Variants in PKP2 observed in about 807,000 individuals in gnomAD.
PKP2 encodes the protein plakophilin 2, also known as plakophilin-2.
In PKP2, 73 loss-of-function variants were observed where a neutral mutation model predicts 83.4. The ratio of observed to expected loss-of-function variants is 0.88; its 90% CI spans 0.72 to 1.06. The LOEUF is 1.06. PKP2 is among the 50% of genes least tolerant of loss of function. The pLI, the probability that PKP2 is intolerant of heterozygous loss-of-function variation, is 0.00. For missense variants in PKP2, 966 were observed against 1,065.4 expected, an observed-to-expected ratio of 0.91 and a Z score of 1.30; for synonymous variants, 409 against 430.4, an observed-to-expected ratio of 0.95 and a Z score of 0.62.
intron 1 of PKP2, among the ~76,000 whole-genome samples, chr12:32,888,386 G>A (rs1301363159): frequency 6.6e-6 from 1 of 152,022 alleles, no homozygotes; most frequent in South Asian, 2.1e-4. Context: ...ACTTACTACA[G>A]GTTTTCTTTG....
At chr12:32,827,472 C>G (rs766613491) in intron 6 of PKP2, among the ~76,000 whole-genome samples, 1 of 152,026 alleles carries the variant, frequency 6.6e-6, no homozygotes, top group Non-Finnish European at 1.5e-5. Flanking sequence ...TGCACCATTC[C>G]GAAAATAACC....
intron 1 of PKP2, among the ~76,000 whole-genome samples, chr12:32,882,277 T>C (rs753420014): frequency 1.3e-5 from 2 of 152,220 alleles, no homozygotes; most frequent in African/African-American, 2.4e-5. Flanking sequence ...TGGTCATTTA[T>C]GGACCGTAGC....
chr12:32,858,886 A>G (rs550511087), intron 4 of PKP2, among the ~76,000 whole-genome samples: 1 of 151,664 alleles, frequency 6.6e-6, no homozygotes, highest in Admixed American at 6.6e-5. Context: ...AATTCAAGTG[A>G]AAAAAAAATC....
intron 5 of PKP2, among the ~76,000 whole-genome samples, chr12:32,844,235 G>A (rs1221614306): frequency 6.6e-6 from 1 of 152,176 alleles, no homozygotes; most frequent in Non-Finnish European, 1.5e-5. Flanking sequence ...TGAAAGCTGT[G>A]AAAGAACTAA....
chr12:32,866,970 A>C (rs1956855315), intron 4 of PKP2, among the ~76,000 whole-genome samples: 2 of 152,226 alleles, frequency 1.3e-5, no homozygotes, highest in Admixed American at 6.5e-5. Context: ...CAAACCAAAA[A>C]AATCTTATAT....
In PKP2 at chr12:32,818,399, T is replaced by C. The variant is rs924408613; in HGVS notation, c.2013+2957A>G. ...TTACTTGAACCCAGGAGACAGAGGT[T>C]GCAGTGAGCCGAGACTGTGCCACTG... is the stretch of plus-strand genomic sequence containing the variant. On this transcript the variant is annotated intron_variant, in intron 9 of 12. Coordinates refer to ENST00000340811, the MANE Select transcript of PKP2 (RefSeq NM_001005242.3). Among the ~76,000 whole-genome samples, 5 of 152,250 alleles carry C rather than the reference T, an allele frequency of 3.3e-5. No individual in the cohort carries two copies. In the East Asian group the frequency reaches 9.7e-4, roughly 29 times the overall value.
At chr12:32,796,341 T>G in intron 10 of PKP2, 43 bp from the exon 11 acceptor site, 1 of 1,484,422 alleles carries the variant, frequency 6.7e-7, no homozygotes, top group Non-Finnish European at 9.3e-7. Flanking sequence ...TTAAAAAGAT[T>G]GTTTCTTAAT....
chr12:32,802,154 T>A (rs1204829654), intron 10 of PKP2, among the ~76,000 whole-genome samples: 1 of 148,972 alleles, frequency 6.7e-6, no homozygotes, highest in Non-Finnish European at 1.5e-5. Context: ...ATTATTAGTA[T>A]GCTCTAAAAT....
intron 1 of PKP2, among the ~76,000 whole-genome samples, chr12:32,896,052 T>A (rs1957120299): frequency 6.6e-6 from 1 of 152,204 alleles, no homozygotes; most frequent in African/African-American, 2.4e-5. Flanking sequence ...TGTCGGTTTT[T>A]TTCCCCAAGA....
At chr12:32,842,952 C>G (rs190662123) in intron 5 of PKP2, among the ~76,000 whole-genome samples, 1 of 151,664 alleles carries the variant, frequency 6.6e-6, no homozygotes, top group South Asian at 2.1e-4. Flanking sequence ...AGATTACAGG[C>G]GTGAGCCACT....
At chr12:32,874,884 G>A (rs1379977696) in intron 3 of PKP2, among the ~76,000 whole-genome samples, 2 of 152,030 alleles carry the variant, frequency 1.3e-5, no homozygotes, top group African/African-American at 2.4e-5. Flanking sequence ...GGGACCACAG[G>A]TGGGCACTAT....
chr12:32,849,626 C>T (rs753027635), intron 5 of PKP2, among the ~76,000 whole-genome samples: 19 of 152,200 alleles, frequency 1.2e-4, no homozygotes, highest in Non-Finnish European at 2.4e-4. Flanking sequence ...TCTCTTTTAT[C>T]ATACGACTGT....
At chr12:32,831,093 C>A (rs1431619761) in intron 6 of PKP2, among the ~76,000 whole-genome samples, 1 of 152,036 alleles carries the variant, frequency 6.6e-6, no homozygotes, top group Non-Finnish European at 1.5e-5. Context: ...AAACAGCAAA[C>A]TATAATTTTA....
Position 32,877,867 on chromosome 12 carries a change from G to T in PKP2, c.1013C>A (p.Thr338Asn), listed in dbSNP as rs756946586. 6.2e-7 allele frequency: 1 copy of T among 1,613,796 alleles called. No homozygotes were observed. Among genetic ancestry groups the T allele is most frequent in the South Asian group, 1.1e-5 (1 of 91,078 alleles). The change falls in exon 3 of 13, where the codon ACT becomes AAT. Residue 338 changes from threonine (T) to asparagine (N), a missense_variant. By Grantham distance (65) the Thr-to-Asn change is moderately conservative. Transcript: ENST00000340811. ...TTACCCCAGCTGGGAGTCAGTGAAAGTGCTTCTCTCAGTGAGCAGATTCCC... is the reference window on the plus strand; with the variant it reads ...TTACCCCAGCTGGGAGTCAGTGAAATTGCTTCTCTCAGTGAGCAGATTCCC... ...GSGNLLTERS[T>N]FTDSQLGNAD...
At chr12:32,867,230 G>C (rs147551552) in intron 4 of PKP2, among the ~76,000 whole-genome samples, 5 of 152,144 alleles carry the variant, frequency 3.3e-5, no homozygotes, top group Non-Finnish European at 7.3e-5. Context: ...CAGGAGGCTG[G>C]GGTGGGAGGA....
chr12:32,843,649 T>C (rs1433035049), intron 5 of PKP2, among the ~76,000 whole-genome samples: 2 of 152,228 alleles, frequency 1.3e-5, no homozygotes, highest in African/African-American at 4.8e-5. Flanking sequence ...GGACTAGATT[T>C]CTGGCTTATG....
chr12:32,870,585 T>C lies in PKP2; in HGVS notation c.1035-1523A>G, dbSNP rs1956887310. On this transcript the variant is annotated intron_variant, in intron 3 of 12. Coordinates refer to ENST00000340811, the MANE Select transcript of PKP2 (RefSeq NM_001005242.3). ...GTCACTTTTATCTAATATTTTTATCTAATATTAGAGGATATTACACCTTTT... is the reference window on the plus strand; with the variant it reads ...GTCACTTTTATCTAATATTTTTATCCAATATTAGAGGATATTACACCTTTT... Among the ~76,000 whole-genome samples, 8 of 152,294 alleles carry C rather than the reference T, an allele frequency of 5.3e-5. 1 individual carries two copies. In the South Asian group the frequency reaches 1.5e-3, roughly 28 times the overall value.
At position 32,792,633 on chromosome 12, in the gene PKP2, C is replaced by A. The variant is rs1356336963; in HGVS notation, c.2445+11G>T. 1 of 1,609,812 alleles carries A rather than the reference C, an allele frequency of 6.2e-7. No individual in the cohort carries two copies. The highest frequency in any genetic ancestry group is 8.5e-7 in the Non-Finnish European group (1 of 1,176,048). ...TGTTAACTATGACACATTCCTTGTT[C>A]ATGTTCTTACCTTCTTGTAGGCATG... On this transcript the variant is annotated intron_variant, in intron 12 of 12. Coordinates refer to ENST00000340811, the MANE Select transcript of PKP2 (RefSeq NM_001005242.3).
Position 32,792,221 on chromosome 12 carries a change from C to A in PKP2, c.*203G>T. ...GACCACTATTTGTCGAGCCTGTGGC[C>A]GGTATCTACTGGTGGCAAACTTGCA... On this transcript the variant is annotated 3_prime_UTR_variant, in exon 13 of 13. Coordinates refer to ENST00000340811, the MANE Select transcript of PKP2 (RefSeq NM_001005242.3). 1 of 612,878 alleles carries A rather than the reference C, an allele frequency of 1.6e-6. No homozygotes were observed. Among genetic ancestry groups the A allele is most frequent in the South Asian group, 1.9e-5 (1 of 52,196 alleles). The allele number at this position is 612,878 out of a possible 1,614,324, so 38.0% of individuals were successfully genotyped here.
Sources: gnomAD v4.1 joint callset for allele counts (sites outside exome capture counted in the v4.1 genomes callset) on GRCh38, gnomAD v4.1.1 for gene constraint, MANE v1.5 for transcripts, NCBI Gene and HGNC (gene_info 2026-07-23, HGNC 2026-07-21) for gene names.